Variants in ZIK1 observed in about 807,000 individuals in gnomAD.
ZIK1 encodes the protein zinc finger protein interacting with ribonucleoprotein K.
A neutral mutation model predicts 10.7 loss-of-function variants in ZIK1; 12 were observed. The observed-to-expected ratio is 1.12, with a 90% CI of 0.72 to 1.81. The LOEUF is 1.81. ZIK1 is among the 40% of genes most tolerant of loss of function. The pLI is 0.00. For synonymous variants in ZIK1, 190 were observed against 205.0 expected (o/e 0.93, Z 0.63); for missense variants, 497 against 585.7 (o/e 0.85, Z 1.56).
chr19:57,591,968 A>G lies in ZIK1; in HGVS notation c.*693A>G, dbSNP rs370291023. The G allele has an allele frequency of 3.0e-4, 46 of 152,304 alleles. No homozygotes were observed. The highest frequency in any genetic ancestry group is 1.0e-3 in the African/African-American group (42 of 41,538). The allele number at this position is 152,304 out of a possible 1,614,324, so 9.4% of individuals were successfully genotyped here. On this transcript the variant is annotated 3_prime_UTR_variant, in exon 4 of 4. Transcript: ENST00000597850. ...AGTAATTCTAATTCTGGTTTTGGTC[A>G]TACTTGCTTTGCTACCTAAAATCTC...
At chr19:57,587,266 GGT>G (rs1391145248) in intron 2 of ZIK1, among the ~76,000 whole-genome samples, 5 of 152,196 alleles carry the variant, frequency 3.3e-5, no homozygotes, top group African/African-American at 9.7e-5. Context: ...TCTGATAAGT[GGT>G]CAAGGCTTCC....
chr19:57,586,715 GT>G (rs1979192767), intron 2 of ZIK1, among the ~76,000 whole-genome samples: 1 of 152,196 alleles, frequency 6.6e-6, no homozygotes, highest in African/African-American at 2.4e-5. Flanking sequence ...TGGTGTATCA[GT>G]CCATTTTCAC....
At chr19:57,588,825 G>C (rs556397577) in intron 3 of ZIK1, among the ~76,000 whole-genome samples, 160 bp downstream of exon 3, 2 of 151,088 alleles carry the variant, frequency 1.3e-5, no homozygotes, top group African/African-American at 4.8e-5. Context: ...GCTGCCCAGT[G>C]GTCTGGGAAC....
intron 2 of ZIK1, among the ~76,000 whole-genome samples, chr19:57,585,478 T>A (rs1158226738): frequency 6.6e-6 from 1 of 152,222 alleles, no homozygotes; most frequent in African/African-American, 2.4e-5. Context: ...AGGAGGCTAC[T>A]GCAGTGGCCA....
chr19:57,588,516 G>T (rs1979357428), intron 2 of ZIK1, 23 bp from the exon 3 acceptor site: 2 of 1,424,846 alleles, frequency 1.4e-6, no homozygotes, highest in East Asian at 5.1e-5. Flanking sequence ...TGATTGTGGA[G>T]TGACCTGTCC....
At position 57,591,185 on chromosome 19, in the gene ZIK1, T is replaced by A. The variant is rs774571081; in HGVS notation, c.1374T>A (p.Thr458=). The A allele has an allele frequency of 6.2e-7, 1 of 1,614,174 alleles. No homozygotes were observed. Among genetic ancestry groups the A allele is most frequent in the Non-Finnish European group, 8.5e-7 (1 of 1,180,026 alleles). Residue 458 remains threonine (T), a synonymous_variant, in exon 4 of 4, where the codon ACT becomes ACA. Coordinates refer to ENST00000597850, the MANE Select transcript of ZIK1 (RefSeq NM_001010879.4). ...SGLIQHQVVH[T]GERPYECNKC... ...TCATTCAACACCAAGTGGTTCACAC[T>A]GGAGAAAGGCCTTATGAGTGCAACA...
At position 57,590,482 on chromosome 19, in the gene ZIK1, A is replaced by G; in HGVS notation, c.671A>G (p.His224Arg). Residue 224 changes from histidine to arginine, a missense_variant, in exon 4 of 4, where the codon CAC (histidine) becomes CGC (arginine). By Grantham distance (29) the His-to-Arg change is conservative. Coordinates refer to ENST00000597850, the MANE Select transcript of ZIK1 (RefSeq NM_001010879.4). The part of the protein sequence containing the change: ...GECGKASRHK[H>R]TPVYHPRVYT... The stretch of plus-strand genomic sequence containing the variant: ...TGTGGGAAGGCTTCCAGGCACAAAC[A>G]CACTCCTGTTTACCATCCAAGAGTC... 6.2e-7 allele frequency: 1 copy of G among 1,613,500 alleles called. No individual in the cohort carries two copies. The highest frequency in any genetic ancestry group is 1.7e-5 in the Admixed American group (1 of 59,956).
intron 3 of ZIK1, 181 bp from the exon 4 acceptor site, chr19:57,589,830 C>G (rs556209724): frequency 1.5e-6 from 1 of 656,606 alleles, no homozygotes; most frequent in South Asian, 6.7e-5. Flanking sequence ...TTTGGTGAGG[C>G]CTCCCTCATT....
At chr19:57,589,936 T>G in intron 3 of ZIK1, 75 bp from the exon 4 acceptor site, 2 of 1,489,540 alleles carry the variant, frequency 1.3e-6, no homozygotes, top group Non-Finnish European at 1.8e-6. Context: ...AATCATTCGT[T>G]TGGTATGTGT....
chr19:57,592,192 T>A lies in ZIK1; in HGVS notation c.*917T>A, dbSNP rs539859587. 2.0e-5 allele frequency: 3 copies of A among 152,022 alleles called. No individual in the cohort carries two copies. Among genetic ancestry groups the A allele is most frequent in the Non-Finnish European group, 4.4e-5 (3 of 68,014 alleles). 9.4% of individuals were successfully genotyped at this position (152,022 alleles called of 1,614,324 possible). A position where few individuals can be genotyped will look rare whatever the true frequency, so the allele number is the denominator to read the frequency against. Reference sequence around the variant, plus strand: ...TGCTGCTGAGAAGCTTTTCATGGGGTTCTATAAGGAGGCATGCCCTGATAT... The same window carrying A: ...TGCTGCTGAGAAGCTTTTCATGGGGATCTATAAGGAGGCATGCCCTGATAT... On this transcript the variant is annotated 3_prime_UTR_variant, in exon 4 of 4. Coordinates refer to ENST00000597850, the MANE Select transcript of ZIK1 (RefSeq NM_001010879.4).
At position 57,584,544 on chromosome 19, in the gene ZIK1, A is replaced by G. The variant is rs143688253; in HGVS notation, c.33+155A>G. On this transcript the variant is annotated intron_variant, in intron 1 of 3. Transcript: ENST00000597850. ...GTGATGGGGCACGGAAGAGGGTTAC[A>G]GGCAAAGGGACCAGCGTTTCTAAAC... 13,275 of 1,418,220 alleles carry G rather than the reference A, an allele frequency of 9.4e-3. 186 individuals are homozygous for G. Among genetic ancestry groups the G allele is most frequent in the South Asian group, 0.039 (2,557 of 65,258 alleles). The allele number at this position is 1,418,220 out of a possible 1,614,324, so 87.9% of individuals were successfully genotyped here.
intron 1 of ZIK1, 41 bp from the exon 2 acceptor site, chr19:57,584,910 CT>C (rs1284443981): frequency 6.2e-7 from 1 of 1,610,420 alleles, no homozygotes; most frequent in South Asian, 1.1e-5. Flanking sequence ...CCGTAGAGCC[CT>C]GTATGGTCAC....
rs1979676015 is a variant in ZIK1 at position 57,591,262 on chromosome 19, G to T, written c.1451G>T (p.Cys484Phe). The stretch of plus-strand genomic sequence containing the variant: ...TCCAGCCTCATACATCACCAAAAAT[G>T]TCATAACACATAGAGGCCTCATGAA... Reference protein sequence around the residue: ...QCSSLIHHQKCHNT With the variant: ...QCSSLIHHQKFHNT The change falls in exon 4 of 4, where the codon TGT becomes TTT. Residue 484 changes from cysteine (C) to phenylalanine (F), a missense_variant. Cys to Phe is a radical substitution (Grantham distance 205). Coordinates refer to ENST00000597850, the MANE Select transcript of ZIK1 (RefSeq NM_001010879.4). The T allele has an allele frequency of 1.2e-6, 2 of 1,608,926 alleles. No individual in the cohort carries two copies. The highest frequency in any genetic ancestry group is 1.7e-6 in the Non-Finnish European group (2 of 1,176,836).
rs571753117 is a variant in ZIK1, at chr19:57,593,037, A to C, written c.*1762A>C. Reference sequence around the variant, plus strand: ...TAAAATACTTACTCCATTTTTCCTGATGATGCACAATTTTTTTTTTTTTTT... The same window carrying C: ...TAAAATACTTACTCCATTTTTCCTGCTGATGCACAATTTTTTTTTTTTTTT... On this transcript the variant is annotated 3_prime_UTR_variant, in exon 4 of 4. Coordinates refer to ENST00000597850, the MANE Select transcript of ZIK1 (RefSeq NM_001010879.4). 1 of 150,766 alleles carries C rather than the reference A, an allele frequency of 6.6e-6. No homozygotes were observed. Among genetic ancestry groups the C allele is most frequent in the South Asian group, 2.1e-4 (1 of 4,786 alleles). 9.3% of individuals were successfully genotyped at this position (150,766 alleles called of 1,614,324 possible). A position where few individuals can be genotyped will look rare whatever the true frequency, so the allele number is the denominator to read the frequency against.
Position 57,592,452 on chromosome 19 carries a change from T to G in ZIK1, c.*1177T>G, listed in dbSNP as rs912440434. 6.6e-6 allele frequency: 1 copy of G among 152,236 alleles called. No homozygotes were observed. The highest frequency in any genetic ancestry group is 1.5e-5 in the Non-Finnish European group (1 of 68,044). The allele number at this position is 152,236 out of a possible 1,614,324, so 9.4% of individuals were successfully genotyped here. On this transcript the variant is annotated 3_prime_UTR_variant, in exon 4 of 4. Transcript: ENST00000597850. ...TGAGGTTATTTTCAGCAAAAATAAT[T>G]AAAGGGTTTTATTTTTTAATTCTTG...
intron 2 of ZIK1, among the ~76,000 whole-genome samples, chr19:57,587,181 C>T (rs1003909621): frequency 5.9e-5 from 9 of 152,282 alleles, no homozygotes; most frequent in African/African-American, 9.6e-5. Flanking sequence ...TCACCAGGTC[C>T]CTCCCATGAC....
In ZIK1 at chr19:57,590,652, C is replaced by A. The variant is rs768007644; in HGVS notation, c.841C>A (p.His281Asn). The change falls in exon 4 of 4, where the codon CAC becomes AAC. Residue 281 changes from histidine to asparagine, a missense_variant. Coordinates refer to ENST00000597850, the MANE Select transcript of ZIK1 (RefSeq NM_001010879.4). ...TGGAAAATTCTTTAGCCAAACCTCC[C>A]ACCTGAATGATCATCGGAGAATCCA... ...ECGKFFSQTS[H>N]LNDHRRIHTG... The A allele has an allele frequency of 6.2e-7, 1 of 1,613,892 alleles. No individual in the cohort carries two copies. Among genetic ancestry groups the A allele is most frequent in the Admixed American group, 1.7e-5 (1 of 59,992 alleles).
chr19:57,585,040 G>A, intron 2 of ZIK1, 50 bp downstream of exon 2: 1 of 1,568,590 alleles, frequency 6.4e-7, no homozygotes, highest in Non-Finnish European at 8.6e-7. Flanking sequence ...CCATCCTGGG[G>A]TTTTTTCATG....
rs1979664706 is a variant in ZIK1, at chr19:57,591,152, G to A, written c.1341G>A (p.Lys447=). ...CGQCGKSFSQ[K]SGLIQHQVVH... ...AGTGTGGAAAGTCCTTTAGCCAAAA[G>A]TCTGGTCTCATTCAACACCAAGTGG... The change falls in exon 4 of 4, where the codon AAG becomes AAA. Residue 447 remains lysine, a synonymous_variant. Transcript: ENST00000597850. 6.2e-7 allele frequency: 1 copy of A among 1,613,780 alleles called. No homozygotes were observed. Among genetic ancestry groups the A allele is most frequent in the Non-Finnish European group, 8.5e-7 (1 of 1,179,924 alleles).
Sources: gnomAD v4.1 joint callset for allele counts (sites outside exome capture counted in the v4.1 genomes callset) on GRCh38, gnomAD v4.1.1 for gene constraint, MANE v1.5 for transcripts, NCBI Gene and HGNC (gene_info 2026-07-23, HGNC 2026-07-21) for gene names.